NLGN1: variants seen among roughly 807,000 people sequenced by gnomAD.
NLGN1 encodes neuroligin 1.
A neutral mutation model predicts 65.5 loss-of-function variants in NLGN1; 12 were observed. The ratio of observed to expected loss-of-function variants is 0.18; its 90% CI spans 0.12 to 0.30. The LOEUF is 0.30. NLGN1 is among the 10% of genes least tolerant of loss of function. The pLI is 1.00. For synonymous variants in NLGN1, 350 were observed against 359.5 expected, an observed-to-expected ratio of 0.97 and a Z score of 0.30; for missense variants, 750 against 1,007.1, an observed-to-expected ratio of 0.74 and a Z score of 3.46.
At chr3:173,698,741 C>T (rs370966576) in intron 3 of NLGN1, among the ~76,000 whole-genome samples, 1 of 152,054 alleles carries the variant, frequency 6.6e-6, no homozygotes, top group Non-Finnish European at 1.5e-5. Context: ...TTTCAAAAAG[C>T]CTTTATTTTG....
At chr3:174,291,553 G>C (rs9849291), downstream of NLGN1, among the ~76,000 whole-genome samples, 18,108 of 151,116 alleles carry the variant, frequency 0.12, 1,665 homozygotes, top group East Asian at 0.52. Flanking sequence ...ATCATCATCA[G>C]ACTTCAAAGA....
chr3:174,130,939 A>G (rs191008685), intron 4 of NLGN1, among the ~76,000 whole-genome samples: 18 of 152,358 alleles, frequency 1.2e-4, no homozygotes, highest in African/African-American at 3.6e-4. Flanking sequence ...TCACAGTGAC[A>G]ATAAAAAAAA....
At chr3:173,619,610 C>T (rs116085492) in intron 3 of NLGN1, among the ~76,000 whole-genome samples, 2 of 152,184 alleles carry the variant, frequency 1.3e-5, no homozygotes, top group Non-Finnish European at 2.9e-5. Context: ...GAAAAAGTTA[C>T]TATTAGTATT....
chr3:173,487,758 A>G (rs1728404065), intron 2 of NLGN1, among the ~76,000 whole-genome samples: 1 of 152,052 alleles, frequency 6.6e-6, no homozygotes, highest in South Asian at 2.1e-4. Context: ...AATCAATGCA[A>G]CTATGCCAGT....
At chr3:173,933,962 TAAAG>T (rs943329569) in intron 4 of NLGN1, among the ~76,000 whole-genome samples, 5 of 151,864 alleles carry the variant, frequency 3.3e-5, no homozygotes, top group Non-Finnish European at 7.4e-5. Context: ...TAAATAATAA[TAAAG>T]AAATATTCCT....
chr3:174,040,821 C>A (rs1044851266), intron 4 of NLGN1, among the ~76,000 whole-genome samples: 5 of 152,022 alleles, frequency 3.3e-5, no homozygotes, highest in African/African-American at 1.2e-4. Context: ...TAGATTCTAT[C>A]ATTAACATTT....
chr3:174,144,996 A>G (rs12330900), intron 4 of NLGN1, among the ~76,000 whole-genome samples: 14,030 of 151,922 alleles, frequency 0.092, 802 homozygotes, highest in African/African-American at 0.15. Context: ...GTCCTGAATG[A>G]TATTGCCTAG....
At chr3:173,686,890 T>G (rs536074798) in intron 3 of NLGN1, among the ~76,000 whole-genome samples, 129 of 152,018 alleles carry the variant, frequency 8.5e-4, no homozygotes, top group African/African-American at 3.0e-3. Context: ...CAGGTGGAGA[T>G]TGCAGTGAGC....
chr3:173,460,012 G>A (rs1723106588), intron 2 of NLGN1, among the ~76,000 whole-genome samples: 1 of 151,840 alleles, frequency 6.6e-6, no homozygotes, highest in Non-Finnish European at 1.5e-5. Flanking sequence ...TTTGCTGTGG[G>A]ATTCTTAGAT....
intron 4 of NLGN1, among the ~76,000 whole-genome samples, chr3:173,835,630 CTTGT>C (rs757100224): frequency 2.5e-4 from 38 of 151,042 alleles, no homozygotes; most frequent in Admixed American, 2.4e-3. Flanking sequence ...CATCTATGCC[CTTGT>C]TTATCTCCAA....
At chr3:174,117,709 A>G (rs1022097556) in intron 4 of NLGN1, among the ~76,000 whole-genome samples, 1 of 152,074 alleles carries the variant, frequency 6.6e-6, no homozygotes. Flanking sequence ...TGTCTAACAC[A>G]CCTGAAACCT....
intron 2 of NLGN1, among the ~76,000 whole-genome samples, chr3:173,579,873 T>C (rs1349476045): frequency 6.6e-6 from 1 of 152,232 alleles, no homozygotes; most frequent in Non-Finnish European, 1.5e-5. Flanking sequence ...GAGGATTTTT[T>C]TTTCTCCAGA....
At chr3:173,970,258 C>T (rs1209813387) in intron 4 of NLGN1, among the ~76,000 whole-genome samples, 4 of 152,076 alleles carry the variant, frequency 2.6e-5, no homozygotes, top group African/African-American at 9.7e-5. Context: ...AACAAGTAAA[C>T]ATTAGTGAAG....
chr3:173,652,212 T>C (rs1340785747), intron 3 of NLGN1, among the ~76,000 whole-genome samples: 1 of 152,236 alleles, frequency 6.6e-6, no homozygotes, highest in African/African-American at 2.4e-5. Context: ...GTCTGTTACA[T>C]AGGCTGTCTG....
At chr3:174,196,126 T>TTTA (rs1195962732) in intron 4 of NLGN1, among the ~76,000 whole-genome samples, 3 of 152,158 alleles carry the variant, frequency 2.0e-5, no homozygotes, top group Admixed American at 6.5e-5. Context: ...TAGAAATGTT[T>TTTA]TTATTAGTTT....
intron 4 of NLGN1, among the ~76,000 whole-genome samples, chr3:174,077,840 C>A (rs536266415): frequency 2.6e-4 from 39 of 152,276 alleles, no homozygotes; most frequent in African/African-American, 9.1e-4. Context: ...AGGCCTGAGC[C>A]ACTGTACCTG....
chr3:173,874,518 A>G (rs1731769179), intron 4 of NLGN1, among the ~76,000 whole-genome samples: 1 of 152,204 alleles, frequency 6.6e-6, no homozygotes, highest in South Asian at 2.1e-4. Flanking sequence ...TTGGGGCTAT[A>G]ATTATAATGT....
intron 2 of NLGN1, among the ~76,000 whole-genome samples, chr3:173,547,972 A>G (rs937186920): frequency 6.6e-6 from 1 of 152,046 alleles, no homozygotes; most frequent in African/African-American, 2.4e-5. Flanking sequence ...CTATCTCGGG[A>G]GTAGTGCTAA....
chr3:174,079,740 A>G (rs1741750883), intron 4 of NLGN1, among the ~76,000 whole-genome samples: 1 of 152,206 alleles, frequency 6.6e-6, no homozygotes, highest in Non-Finnish European at 1.5e-5. Flanking sequence ...TTGCAGGAAC[A>G]TGGATAGAGC....
Sources: allele counts gnomAD v4.1 joint callset (sites outside exome capture counted in the v4.1 genomes callset), GRCh38; gene constraint gnomAD v4.1.1; transcripts MANE v1.5; gene names NCBI Gene and HGNC (gene_info 2026-07-23, HGNC 2026-07-21).